SYP: variants seen among roughly 807,000 people sequenced by gnomAD.
SYP encodes the protein synaptophysin.
A neutral mutation model predicts 24.3 loss-of-function variants in SYP; 2 were observed. That is an observed-to-expected ratio of 0.08 (90% CI 0.03 to 0.26). SYP has a LOEUF of 0.26. Among genes scored for constraint, SYP ranks in the 10% least tolerant of loss-of-function variants. The pLI, the probability that SYP is intolerant of heterozygous loss-of-function variation, is 1.00. For synonymous variants in SYP, 143 were observed against 123.2 expected (o/e 1.16, Z -1.07); for missense variants, 216 against 266.3 (o/e 0.81, Z 1.32).
intron 2 of SYP, 56 bp from the exon 3 acceptor site, chrX:49,197,895 G>A (rs1602613294): frequency 1.7e-6 from 2 of 1,198,604 alleles, no homozygotes; most frequent in East Asian, 3.0e-5. Flanking sequence ...GTGGGAGGGA[G>A]GTGCCCTCCT....
At chrX:49,198,567 C>CT (rs1203184671) in intron 2 of SYP, 562 of 160,123 alleles carry the variant, frequency 3.5e-3, no homozygotes, top group Middle Eastern at 7.4e-3. Flanking sequence ...CTCCATATTT[C>CT]TTTTTTTTTT....
rs2065509605 is a variant in SYP at position 49,191,648 on chromosome X, G to A, written c.731C>T (p.Pro244Leu). 1 of 1,205,694 alleles carries A rather than the reference G, an allele frequency of 8.3e-7. No homozygotes were observed. Among genetic ancestry groups the A allele is most frequent in the African/African-American group, 1.7e-5 (1 of 57,535 alleles). The change falls in exon 6 of 7, where the codon CCG (proline) becomes CTG (leucine). Residue 244 changes from proline (P) to leucine (L), a missense_variant. Pro to Leu is a moderately conservative substitution (Grantham distance 98). Around this residue, in one of 2 missense-constraint regions of SYP, gnomAD observed 114 missense variants for 107.9 expected, o/e 1.06. Coordinates refer to ENST00000263233, the MANE Select transcript of SYP (RefSeq NM_003179.3). The part of the protein sequence containing the change: ...RAPPGAPEKQ[P>L]APGDAYGDAG... ...ATCGCCGTAGGCGTCCCCGGGTGCC[G>A]GTTGTTTCTCGGGGGCGCCGGGAGG...
Position 49,197,842 on chromosome X carries a change from T to G in SYP, c.103-3A>C. On this transcript the variant is annotated splice_region_variant and splice_polypyrimidine_tract_variant and intron_variant, in intron 2 of 6. Transcript: ENST00000263233. Reference sequence around the variant, plus strand: ...GCAAAGGCGAAGATGGCGAAGACCTTGGGCAGCAGGGATGGGGATGGCCAC... The same window carrying G: ...GCAAAGGCGAAGATGGCGAAGACCTGGGGCAGCAGGGATGGGGATGGCCAC... 2 of 1,209,861 alleles carry G rather than the reference T, an allele frequency of 1.7e-6. No homozygotes were observed. Among genetic ancestry groups the G allele is most frequent in the Non-Finnish European group, 2.2e-6 (2 of 894,584 alleles).
intron 1 of SYP, 119 bp downstream of exon 1, chrX:49,200,032 G>T: frequency 1.1e-6 from 1 of 924,104 alleles, no homozygotes; most frequent in Non-Finnish European, 1.5e-6. Flanking sequence ...CCCCAGCGCC[G>T]GGGACCGGGT....
intron 6 of SYP, among the ~76,000 whole-genome samples, chrX:49,189,824 C>T (rs186157281): frequency 1.8e-5 from 2 of 111,324 alleles, no homozygotes; most frequent in East Asian, 2.8e-4. Flanking sequence ...GCCCAGCCTG[C>T]GACAGGGCAG....
rs997306119 is a variant in SYP at position 49,191,158 on chromosome X, C to T, written c.*4+275G>A. The T allele has an allele frequency of 3.6e-4, 147 of 408,220 alleles. 1 individual carries two copies. The highest frequency in any genetic ancestry group is 8.3e-4 in the East Asian group (20 of 24,177). The allele number at this position is 408,220 out of a possible 1,213,427, so 33.6% of individuals were successfully genotyped here. ...CTTTATTGGTTGCTCTGCTTCTCTCCCCCCGCCTTTCCGCCGAGTTGCCCT... is the reference window on the plus strand; with the variant it reads ...CTTTATTGGTTGCTCTGCTTCTCTCTCCCCGCCTTTCCGCCGAGTTGCCCT... On this transcript the variant is annotated intron_variant, in intron 6 of 6. Coordinates refer to ENST00000263233, the MANE Select transcript of SYP (RefSeq NM_003179.3).
In SYP at chrX:49,188,746, ACCT is replaced by A. The variant is rs1557102308; in HGVS notation, c.*538_*540del. On this transcript the variant is annotated 3_prime_UTR_variant, in exon 7 of 7. Coordinates refer to ENST00000263233, the MANE Select transcript of SYP (RefSeq NM_003179.3). ...CCCCCTGCTGACCCCTCCACTCCACACCTCCTCTCCAAGACCACCTTGGGTCCT... is the reference window on the plus strand; with the variant it reads ...CCCCCTGCTGACCCCTCCACTCCACACCTCTCCAAGACCACCTTGGGTCCT... 1 of 107,009 alleles carries A rather than the reference ACCT, an allele frequency of 9.3e-6. No homozygotes were observed. Among genetic ancestry groups the A allele is most frequent in the African/African-American group, 3.5e-5 (1 of 28,926 alleles). 8.8% of individuals were successfully genotyped at this position (107,009 alleles called of 1,213,427 possible).
Position 49,191,627 on chromosome X carries a change from C to T in SYP, c.752G>A (p.Gly251Asp), listed in dbSNP as rs1372993328. The stretch of plus-strand genomic sequence containing the variant: ...GGGGCCCTGCCCGTAGCCTGCATCG[C>T]CGTAGGCGTCCCCGGGTGCCGGTTG... ...EKQPAPGDAYGDAGYGQGPGG... is the reference protein window; with the variant it reads ...EKQPAPGDAYDDAGYGQGPGG... The change falls in exon 6 of 7, where the codon GGC (glycine) becomes GAC (aspartate). Residue 251 changes from glycine to aspartate, a missense_variant. By Grantham distance (94) the Gly-to-Asp change is moderately conservative. Coordinates refer to ENST00000263233, the MANE Select transcript of SYP (RefSeq NM_003179.3). 5.8e-6 allele frequency: 7 copies of T among 1,206,795 alleles called. No individual in the cohort carries two copies. The highest frequency in any genetic ancestry group is 7.8e-6 in the Non-Finnish European group (7 of 893,406).
chrX:49,194,583 C>G (rs1482203744), intron 3 of SYP, among the ~76,000 whole-genome samples: 1 of 111,127 alleles, frequency 9.0e-6, no homozygotes, highest in East Asian at 2.8e-4. Flanking sequence ...ACTCTGGCCT[C>G]TTGATTATTT....
intron 3 of SYP, among the ~76,000 whole-genome samples, chrX:49,195,039 CACCTTCTCATTGAGACCTTCCCTG>C (rs1325726393): frequency 1.8e-5 from 2 of 111,426 alleles, no homozygotes; most frequent in Non-Finnish European, 3.8e-5. Flanking sequence ...GCTCAACTGT[CACCTTCTCATTGAGACCTTCCCTG>C]ATCTCCCTAC....
intron 1 of SYP, 44 bp downstream of exon 1, chrX:49,200,107 A>C: frequency 8.6e-7 from 1 of 1,161,246 alleles, no homozygotes; most frequent in Non-Finnish European, 1.2e-6. Flanking sequence ...CGGCCTAGGC[A>C]GCCGGGCGGC....
In SYP at chrX:49,191,678, C is replaced by T. The variant is rs1557102759; in HGVS notation, c.701G>A (p.Arg234His). 7.5e-6 allele frequency: 9 copies of T among 1,206,020 alleles called. No individual in the cohort carries two copies. Among genetic ancestry groups the T allele is most frequent in the East Asian group, 3.0e-5 (1 of 33,672 alleles). ...TTTCTCGGGGGCGCCGGGAGGCGCG[C>T]GCAGGAACGGGGCGGCCCAGCCTGT... Reference protein sequence around the residue: ...KETGWAAPFLRAPPGAPEKQP... With the variant: ...KETGWAAPFLHAPPGAPEKQP... The change falls in exon 6 of 7, where the codon CGC becomes CAC. Residue 234 changes from arginine to histidine, a missense_variant. Physicochemically the swap from Arg to His is conservative, Grantham distance 29. This residue lies in a region of SYP where 114 missense variants were observed against 107.9 expected (regional missense o/e 1.06). Coordinates refer to ENST00000263233, the MANE Select transcript of SYP (RefSeq NM_003179.3).
At chrX:49,197,925 A>C (rs2065534470) in intron 2 of SYP, 86 bp from the exon 3 acceptor site, 9 of 1,152,817 alleles carry the variant, frequency 7.8e-6, no homozygotes, top group Non-Finnish European at 1.1e-5. Context: ...TCGGGGGCCC[A>C]GCACAGGCAG....
chrX:49,191,465 G>A lies in SYP; in HGVS notation c.914C>T (p.Ala305Val), dbSNP rs1557102693. ...YGQQGYGPQG[A>V]PTSFSNQM ...CATCTGATTGGAGAAGGAGGTGGGT[G>A]CACCCTGCGGGCCGTAGCCTTGCTG... The change falls in exon 6 of 7, where the codon GCA (alanine) becomes GTA (valine). Residue 305 changes from alanine (A) to valine (V), a missense_variant. Transcript: ENST00000263233. 1 of 1,211,459 alleles carries A rather than the reference G, an allele frequency of 8.3e-7. No individual in the cohort carries two copies. Among genetic ancestry groups the A allele is most frequent in the Non-Finnish European group, 1.1e-6 (1 of 895,428 alleles).
chrX:49,197,865 C>A, intron 2 of SYP, 26 bp from the exon 3 acceptor site: 1 of 1,208,021 alleles, frequency 8.3e-7, no homozygotes, highest in East Asian at 3.0e-5. Context: ...TGGGGATGGC[C>A]ACAGTGAACC....
chrX:49,194,704 C>CTTTTTTTTTTTT (rs34247999), intron 3 of SYP, among the ~76,000 whole-genome samples: 1 of 57,407 alleles, frequency 1.7e-5, no homozygotes, highest in African/African-American at 7.7e-5. Flanking sequence ...CCCTCATCTC[C>CTTTTTTTTTTTT]TTTTTTTTTT....
At chrX:49,190,131 C>T (rs1557102462) in intron 6 of SYP, among the ~76,000 whole-genome samples, 1 of 110,646 alleles carries the variant, frequency 9.0e-6, no homozygotes, top group East Asian at 2.8e-4. Flanking sequence ...TCCTGCCTTT[C>T]CTCCCCTATA....
intron 6 of SYP, among the ~76,000 whole-genome samples, chrX:49,190,185 T>G (rs969025327): frequency 2.7e-5 from 3 of 110,079 alleles, no homozygotes; most frequent in Admixed American, 1.9e-4. Flanking sequence ...CTTTTTCTTT[T>G]TTTTTTTGTT....
At chrX:49,192,738 C>T (rs2065514650) in intron 5 of SYP, among the ~76,000 whole-genome samples, 1 of 111,959 alleles carries the variant, frequency 8.9e-6, no homozygotes, top group African/African-American at 3.3e-5. Context: ...TACGACTTAC[C>T]TTGTGCCAGG....
Sources: gnomAD v4.1 joint callset for allele counts (sites outside exome capture counted in the v4.1 genomes callset) on GRCh38, gnomAD v4.1.1 for gene constraint, gnomAD v4.1.1 regional missense constraint, MANE v1.5 for transcripts, NCBI Gene and HGNC (gene_info 2026-07-23, HGNC 2026-07-21) for gene names.